Variants in ABR observed in about 807,000 individuals in gnomAD.
The protein encoded by ABR is ABR activator of RhoGEF and GTPase, also known as active breakpoint cluster region-related protein.
In ABR, 35 loss-of-function variants were observed where a neutral mutation model predicts 107.2. The ratio of observed to expected loss-of-function variants is 0.33; its 90% CI spans 0.25 to 0.43. The LOEUF (loss-of-function observed/expected upper bound fraction) is 0.43. Among genes scored for constraint, ABR ranks in the 20% least tolerant of loss-of-function variants. The probability of loss-of-function intolerance (pLI) is 1.00; values close to 1 mark genes in which losing one functional copy is unlikely to be tolerated. For missense variants in ABR, 815 were observed against 1,115.2 expected, an observed-to-expected ratio of 0.73 and a Z score of 3.83; for synonymous variants, 498 against 462.0, an observed-to-expected ratio of 1.08 and a Z score of -1.00.
intron 16 of ABR, 147 bp downstream of exon 16, chr17:1,049,903 G>T: frequency 2.6e-6 from 3 of 1,138,842 alleles, no homozygotes; most frequent in Non-Finnish European, 3.7e-6. Context: ...CCTCTAGCAG[G>T]GAGGGGAGAA....
At position 1,092,168 on chromosome 17, in the gene ABR, C is replaced by T. The variant is rs762105008; in HGVS notation, c.346-318G>A. Among the ~76,000 whole-genome samples, 1 of 152,172 alleles carries T rather than the reference C, an allele frequency of 6.6e-6. No homozygotes were observed. Among genetic ancestry groups the T allele is most frequent in the Non-Finnish European group, 1.5e-5 (1 of 68,014 alleles). On this transcript the variant is annotated intron_variant, in intron 3 of 22. Transcript: ENST00000302538. The surrounding 1 kb of genome is among the most constrained non-coding windows in gnomAD (Gnocchi z 4.6). ...TAACAGGATCCGCGTCTTTCTTCCA[C>T]GATAGCCTGTGCCCCGAGTCATAAG...
chr17:1,085,496 T>C (rs910115543), intron 4 of ABR, among the ~76,000 whole-genome samples: 1 of 152,190 alleles, frequency 6.6e-6, no homozygotes, highest in Admixed American at 6.6e-5. Flanking sequence ...CTAATAAAGC[T>C]GAGAATAGGC....
chr17:1,081,662 C>T (rs1399093666), intron 5 of ABR, among the ~76,000 whole-genome samples: 1 of 152,192 alleles, frequency 6.6e-6, no homozygotes, highest in African/African-American at 2.4e-5. Context: ...CTGCAACCTC[C>T]ACCTCCCGGG....
Position 1,010,526 on chromosome 17 carries a change from CA to C in ABR, c.2236+202del. The C allele has an allele frequency of 1.6e-6, 1 of 641,852 alleles. No individual in the cohort carries two copies. The highest frequency in any genetic ancestry group is 2.6e-6 in the Non-Finnish European group (1 of 381,488). The allele number at this position is 641,852 out of a possible 1,614,324, so 39.8% of individuals were successfully genotyped here. A position where few individuals can be genotyped will look rare whatever the true frequency, so the allele number is the denominator to read the frequency against. ...CCATGGGGACATCAGGGGCAAGAGG[CA>C]GGCGAGAAAGGGCCCAGTGTCTGCA... On this transcript the variant is annotated intron_variant, in intron 20 of 22. Coordinates refer to ENST00000302538, the MANE Select transcript of ABR (RefSeq NM_021962.5). The surrounding 1 kb of genome is among the most constrained non-coding windows in gnomAD (Gnocchi z 4.1).
At chr17:1,217,883 C>T (rs900067096) in intron 1 of ABR, among the ~76,000 whole-genome samples, 4 of 152,096 alleles carry the variant, frequency 2.6e-5, no homozygotes, top group Admixed American at 6.6e-5. Context: ...TTAGCAGAGA[C>T]GGGGTTTCAC....
chr17:1,092,535 G>A lies in ABR; in HGVS notation c.346-685C>T, dbSNP rs1031565484. ...TGCTCCAGGGCCTGCCAGTGTAGAC[G>A]GTGAGGTGGCAGATAACACAGACCA... is the stretch of plus-strand genomic sequence containing the variant. On this transcript the variant is annotated intron_variant, in intron 3 of 22. Transcript: ENST00000302538. This position sits in a 1 kb window ranked among gnomAD's most constrained non-coding sequence, Gnocchi z 4.6. 3.3e-5 allele frequency among the ~76,000 whole-genome samples: 5 copies of A among 151,952 alleles called. No homozygotes were observed. Among genetic ancestry groups the A allele is most frequent in the Non-Finnish European group, 7.4e-5 (5 of 67,960 alleles).
At chr17:1,137,474 G>A (rs1051062712) in intron 1 of ABR, among the ~76,000 whole-genome samples, 3 of 152,192 alleles carry the variant, frequency 2.0e-5, no homozygotes, top group African/African-American at 7.2e-5. Flanking sequence ...GGGGAGAGGA[G>A]AGAGGCTGGG....
intron 16 of ABR, among the ~76,000 whole-genome samples, chr17:1,047,430 C>T (rs1051297819): frequency 3.9e-5 from 6 of 152,212 alleles, no homozygotes; most frequent in Non-Finnish European, 7.3e-5. Flanking sequence ...AGGGCAGTCA[C>T]GGGGCGAGAC....
At chr17:1,058,926 CA>C in intron 10 of ABR, 59 bp from the exon 11 acceptor site, 1 of 1,603,178 alleles carries the variant, frequency 6.2e-7, no homozygotes. Flanking sequence ...TCACGAGCAG[CA>C]CTAAGCACGA....
intron 5 of ABR, among the ~76,000 whole-genome samples, chr17:1,083,048 C>T (rs2036352592): frequency 6.7e-6 from 1 of 149,872 alleles, no homozygotes; most frequent in Non-Finnish European, 1.5e-5. Context: ...CACTTGAACC[C>T]AGGGGGTAGA....
chr17:1,069,707 C>T (rs2035054845), intron 9 of ABR, among the ~76,000 whole-genome samples: 1 of 152,048 alleles, frequency 6.6e-6, no homozygotes, highest in African/African-American at 2.4e-5. Flanking sequence ...CTGAAGGCTC[C>T]ATGGGTGGCA....
chr17:1,216,245 T>C (rs2043006948), intron 1 of ABR, among the ~76,000 whole-genome samples: 1 of 151,970 alleles, frequency 6.6e-6, no homozygotes, highest in Non-Finnish European at 1.5e-5. Flanking sequence ...AGCCCTTATA[T>C]CAACTTGCTC....
intron 2 of ABR, among the ~76,000 whole-genome samples, chr17:1,112,716 G>A (rs200695582): frequency 1.6e-4 from 24 of 152,018 alleles, no homozygotes; most frequent in East Asian, 1.2e-3. Flanking sequence ...GCATCATGGA[G>A]GGTGAGGGGC....
upstream of ABR, among the ~76,000 whole-genome samples, chr17:1,181,308 A>G (rs1324569243): frequency 6.6e-6 from 1 of 152,130 alleles, no homozygotes; most frequent in Non-Finnish European, 1.5e-5. Context: ...CAGCTGCCCC[A>G]GGGGAGATGG....
chr17:1,030,122 C>T (rs2150902334), intron 16 of ABR, among the ~76,000 whole-genome samples: 1 of 152,362 alleles, frequency 6.6e-6, no homozygotes, highest in African/African-American at 2.4e-5. Flanking sequence ...GACACGGAGC[C>T]ACCAGGCACT....
At position 1,027,444 on chromosome 17, in the gene ABR, T is replaced by G. The variant is rs960737305; in HGVS notation, c.1792-14280A>C. Among the ~76,000 whole-genome samples, 4 of 152,156 alleles carry G rather than the reference T, an allele frequency of 2.6e-5. No individual in the cohort carries two copies. The highest frequency in any genetic ancestry group is 9.7e-5 in the African/African-American group (4 of 41,432). On this transcript the variant is annotated intron_variant, in intron 16 of 22. Transcript: ENST00000302538. This position sits in a 1 kb window ranked among gnomAD's most constrained non-coding sequence, Gnocchi z 4.7. ...GTCTGAGTGGCCTCCAGAACCTTCA[T>G]CAGATTCTCAGAGTCCAGGGTTCCC...
Position 1,069,954 on chromosome 17 carries a change from G to T in ABR, c.1016+15C>A. 1.3e-6 allele frequency: 2 copies of T among 1,596,820 alleles called. No individual in the cohort carries two copies. The highest frequency in any genetic ancestry group is 1.1e-5 in the South Asian group (1 of 90,498). ...CCCCCTCCCCCGCCCCGTGCCCCTG[G>T]ACTCACACACTCACCCTGCAGAGGT... On this transcript the variant is annotated intron_variant, in intron 9 of 22. Coordinates refer to ENST00000302538, the MANE Select transcript of ABR (RefSeq NM_021962.5).
chr17:1,131,251 G>A (rs1319563171), intron 1 of ABR, among the ~76,000 whole-genome samples: 3 of 57,026 alleles, frequency 5.3e-5, no homozygotes, highest in African/African-American at 2.3e-4. Flanking sequence ...TGCAGTGCCT[G>A]CCACGCACAC....
chr17:1,101,759 A>C (rs567504284), intron 2 of ABR, among the ~76,000 whole-genome samples: 1 of 146,850 alleles, frequency 6.8e-6, no homozygotes, highest in Admixed American at 6.9e-5. Flanking sequence ...TTAGAGACGG[A>C]GTCTCGCTCT....
Sources: gnomAD v4.1 joint callset for allele counts (sites outside exome capture counted in the v4.1 genomes callset) on GRCh38, gnomAD v4.1.1 for gene constraint, Gnocchi (gnomAD v3.1) non-coding constraint, MANE v1.5 for transcripts, NCBI Gene and HGNC (gene_info 2026-07-23, HGNC 2026-07-21) for gene names.